Variants in NCOA2 observed in about 807,000 individuals in gnomAD.
The protein encoded by NCOA2 is class E basic helix-loop-helix protein 75.
NCOA2 carries 21 observed loss-of-function variants against 145.1 expected under a neutral mutation model. That is an observed-to-expected ratio of 0.14 (90% CI 0.10 to 0.21). The LOEUF (loss-of-function observed/expected upper bound fraction) is 0.21, where lower values mean the gene tolerates loss of function less well. Among genes scored for constraint, NCOA2 ranks in the 10% least tolerant of loss-of-function variants. NCOA2 has a pLI of 1.00. For synonymous variants in NCOA2, 619 were observed against 637.5 expected (o/e 0.97, Z 0.44); for missense variants, 1,472 against 1,837.6 (o/e 0.80, Z 3.64).
intron 2 of NCOA2, among the ~76,000 whole-genome samples, chr8:70,233,336 A>G (rs1426483309): frequency 1.3e-5 from 2 of 152,232 alleles, no homozygotes; most frequent in Non-Finnish European, 2.9e-5. Flanking sequence ...GAAATGTATG[A>G]ATATTCACAC....
intron 1 of NCOA2, among the ~76,000 whole-genome samples, 190 bp downstream of exon 1, chr8:70,403,510 G>C (rs1277352235): frequency 7.0e-6 from 1 of 142,576 alleles, no homozygotes; most frequent in Non-Finnish European, 1.5e-5. Context: ...TGCGCCTCCG[G>C]GATGCAACTC....
chr8:70,349,599 T>C (rs897309559), intron 1 of NCOA2, among the ~76,000 whole-genome samples: 6 of 152,110 alleles, frequency 3.9e-5, no homozygotes, highest in African/African-American at 1.4e-4. Flanking sequence ...ACATTTTGAG[T>C]GGTCTCCAGT....
At chr8:70,252,044 AG>A (rs1451870414) in intron 2 of NCOA2, among the ~76,000 whole-genome samples, 1 of 152,228 alleles carries the variant, frequency 6.6e-6, no homozygotes, top group African/African-American at 2.4e-5. Flanking sequence ...TGCCTATACA[AG>A]GTGCTATGTA....
At chr8:70,409,528 C>G in the NCOA2 span, among the ~76,000 whole-genome samples, 7 of 152,212 alleles carry the variant, frequency 4.6e-5, no homozygotes, top group African/African-American at 1.7e-4. Context: ...TTACCATACA[C>G]AAGAATGAAT....
At position 70,156,245 on chromosome 8, in the gene NCOA2, G is replaced by A. The variant is rs778046448; in HGVS notation, c.2120C>T (p.Thr707Ile). Residue 707 changes from threonine to isoleucine, a missense_variant, in exon 11 of 23, where the codon ACA becomes ATA. Physicochemically the swap from Thr to Ile is moderately conservative, Grantham distance 89. This residue lies in a region of NCOA2 where 953 missense variants were observed against 1,062.1 expected (regional missense o/e 0.90). Transcript: ENST00000452400. Reference protein sequence around the residue: ...SSSPVDLAKLTAEATGKDLSQ... With the variant: ...SSSPVDLAKLIAEATGKDLSQ... Reference sequence around the variant, plus strand: ...CAGGTCTTTGCCTGTGGCTTCTGCTGTTAACTTGGCCAAGTCCACAGGGGA... The same window carrying A: ...CAGGTCTTTGCCTGTGGCTTCTGCTATTAACTTGGCCAAGTCCACAGGGGA... 1.2e-6 allele frequency: 2 copies of A among 1,613,944 alleles called. No individual in the cohort carries two copies. The highest frequency in any genetic ancestry group is 1.1e-5 in the South Asian group (1 of 91,082).
chr8:70,442,134 A>AGAAAGAAAGAAG, the NCOA2 span, among the ~76,000 whole-genome samples: 252 of 125,470 alleles, frequency 2.0e-3, 1 homozygote, highest in African/African-American at 0.01. Context: ...AAAGAAAGAA[A>AGAAAGAAAGAAG]GAAAGAAAGA....
At chr8:70,444,258 G>T in the NCOA2 span, among the ~76,000 whole-genome samples, 5 of 152,160 alleles carry the variant, frequency 3.3e-5, no homozygotes, top group African/African-American at 1.2e-4. Context: ...GCTATATATT[G>T]TACGATTCCA....
At chr8:70,251,086 T>G (rs932597385) in intron 2 of NCOA2, among the ~76,000 whole-genome samples, 44 of 152,144 alleles carry the variant, frequency 2.9e-4, no homozygotes, top group African/African-American at 1.1e-3. Context: ...GAGCCAGGGA[T>G]AAAGAAAAGG....
intron 2 of NCOA2, among the ~76,000 whole-genome samples, chr8:70,265,693 T>A (rs138195943): frequency 1.5e-3 from 225 of 152,358 alleles, no homozygotes; most frequent in Non-Finnish European, 2.4e-3. Context: ...TGGAATGCCA[T>A]CCCTACTGTT....
intron 5 of NCOA2, 79 bp downstream of exon 5, chr8:70,174,677 A>G: frequency 7.5e-7 from 1 of 1,328,212 alleles, no homozygotes; most frequent in South Asian, 1.2e-5. Flanking sequence ...TCCTTAAATT[A>G]TATTCACCTG....
intron 1 of NCOA2, among the ~76,000 whole-genome samples, chr8:70,312,098 A>C (rs1036794892): frequency 2.0e-5 from 3 of 152,184 alleles, no homozygotes; most frequent in African/African-American, 7.2e-5. Flanking sequence ...AGCCAAGAAA[A>C]ACCTGGAAAT....
chr8:70,400,281 C>T lies in NCOA2; in HGVS notation c.-77+3419G>A, dbSNP rs895516706. ...AGTCAAAGAACTCCTCTGTTTAAGA[C>T]TGAAATTCCCAGGAGGAAGGAAGCT... is the stretch of plus-strand genomic sequence containing the variant. On this transcript the variant is annotated intron_variant, in intron 1 of 22. Transcript: ENST00000452400. 5.3e-5 allele frequency among the ~76,000 whole-genome samples: 8 copies of T among 152,236 alleles called. 1 individual carries two copies. In the South Asian group the frequency reaches 8.3e-4, roughly 16 times the overall value.
chr8:70,435,305 A>G, the NCOA2 span, among the ~76,000 whole-genome samples: 7 of 149,664 alleles, frequency 4.7e-5, no homozygotes, highest in South Asian at 2.2e-4. Context: ...GGCGCCTGTA[A>G]TCCCAGCTAC....
chr8:70,286,791 T>TC (rs1826261179), intron 2 of NCOA2, among the ~76,000 whole-genome samples: 1 of 152,136 alleles, frequency 6.6e-6, no homozygotes, highest in Admixed American at 6.5e-5. Flanking sequence ...AGCTGTAATT[T>TC]CCCCTATATA....
intron 2 of NCOA2, among the ~76,000 whole-genome samples, chr8:70,248,786 A>C (rs996386030): frequency 6.6e-6 from 1 of 151,552 alleles, no homozygotes; most frequent in African/African-American, 2.4e-5. Flanking sequence ...CAGTACAGAC[A>C]AAATTTTTTT....
intron 4 of NCOA2, among the ~76,000 whole-genome samples, chr8:70,188,822 A>T (rs1816358659): frequency 6.6e-6 from 1 of 152,224 alleles, no homozygotes; most frequent in South Asian, 2.1e-4. Context: ...ATATTTTATT[A>T]AAATTATTTT....
At chr8:70,235,560 T>C (rs554060377) in intron 2 of NCOA2, among the ~76,000 whole-genome samples, 15 of 152,252 alleles carry the variant, frequency 9.9e-5, no homozygotes, top group African/African-American at 3.4e-4. Flanking sequence ...ATACTTCTCT[T>C]AGGCCAGGCG....
chr8:70,455,665 A>T, the NCOA2 span, among the ~76,000 whole-genome samples: 2 of 150,098 alleles, frequency 1.3e-5, no homozygotes. Flanking sequence ...ACCCAACGCG[A>T]GTCCTTCATT....
intron 1 of NCOA2, among the ~76,000 whole-genome samples, chr8:70,319,952 G>A (rs866185980): frequency 6.6e-6 from 1 of 152,116 alleles, no homozygotes; most frequent in African/African-American, 2.4e-5. Context: ...TTAACTGTCC[G>A]ATTTGTCAAA....
Sources: gnomAD v4.1 joint callset for allele counts (sites outside exome capture counted in the v4.1 genomes callset) on GRCh38, gnomAD v4.1.1 for gene constraint, gnomAD v4.1.1 regional missense constraint, MANE v1.5 for transcripts, NCBI Gene and HGNC (gene_info 2026-07-23, HGNC 2026-07-21) for gene names.